The following PKD1L1 variants were observed in gnomAD, a reference collection of about 807,000 sequenced individuals.
The protein encoded by PKD1L1 is polycystin-1-like protein 1.
PKD1L1 carries 236 observed loss-of-function variants against 323.4 expected under a neutral mutation model. The ratio of observed to expected loss-of-function variants is 0.73; its 90% confidence interval spans 0.66 to 0.81. The LOEUF (loss-of-function observed/expected upper bound fraction) is 0.81, where lower values mean the gene tolerates loss of function less well. Ranked by LOEUF, PKD1L1 falls within the 40% of genes least tolerant of loss-of-function variation. PKD1L1 has a pLI of 0.00. For missense variants in PKD1L1, 3,320 were observed against 3,508.0 expected, an observed-to-expected ratio of 0.95 and a Z score of 1.35; for synonymous variants, 1,344 against 1,335.0, an observed-to-expected ratio of 1.01 and a Z score of -0.15.
intron 53 of PKD1L1, among the ~76,000 whole-genome samples, chr7:47,801,219 A>G (rs1784655006): frequency 6.6e-6 from 1 of 152,118 alleles, no homozygotes; most frequent in Non-Finnish European, 1.5e-5. Context: ...CCCCTTAGGA[A>G]GCCATGGTTG....
chr7:47,930,798 G>GCACTCC (rs1350989003), intron 6 of PKD1L1, among the ~76,000 whole-genome samples: 86 of 152,314 alleles, frequency 5.6e-4, no homozygotes, highest in African/African-American at 2.0e-3. Context: ...TTGGGTGACA[G>GCACTCC]AGCGAGACTC....
Position 47,853,140 on chromosome 7 carries a change from A to G in PKD1L1, c.4947T>C (p.Ala1649=). The G allele has an allele frequency of 6.2e-7, 1 of 1,611,060 alleles. No individual in the cohort carries two copies. Among genetic ancestry groups the G allele is most frequent in the South Asian group, 1.1e-5 (1 of 90,962 alleles). ...DESIVQIYIP[A]ASQKDASVGY... is the part of the protein sequence containing the mutation. ...CTGTTCACTGACCTTTCTGAGAAGC[A>G]GCAGGTATATAAATCTGCACAATTG... The change falls in exon 31 of 57, where the codon GCT becomes GCC. Residue 1649 remains alanine, a synonymous_variant. Transcript: ENST00000289672.
At chr7:47,817,102 T>C (rs1226393682) in intron 46 of PKD1L1, among the ~76,000 whole-genome samples, 1 of 152,146 alleles carries the variant, frequency 6.6e-6, no homozygotes, top group Admixed American at 6.5e-5. Context: ...CTGGGCGTGA[T>C]GGTACGCGCC....
rs113527998 is a variant in PKD1L1 at position 47,885,887 on chromosome 7, T to G, written c.3004A>C (p.Thr1002Pro). 0.015 allele frequency: 24,008 copies of G among 1,614,074 alleles called. 871 individuals are homozygous for G. The highest frequency in any genetic ancestry group is 0.14 in the African/African-American group (10,838 of 74,986). The change falls in exon 18 of 57, where the codon ACT (threonine) becomes CCT (proline). Residue 1002 changes from threonine to proline, a missense_variant. Physicochemically the swap from Thr to Pro is conservative, Grantham distance 38 (BLOSUM62 -1). Transcript: ENST00000289672. ...GTGGGGGTTCCCCTTGGAGCTGAAG[T>G]GGCAGGTTGGCCAAGGGTCACGGGT... ...PSPVTLGQPA[T>P]SAPRGTPTEP...
Position 47,839,743 on chromosome 7 carries a change from C to G in PKD1L1, c.5553-81G>C. ...TCCCATCAGCCCCAATGCTCACCCTCAAGGCACTGATGGCCCACAGAGGGT... is the reference window on the plus strand; with the variant it reads ...TCCCATCAGCCCCAATGCTCACCCTGAAGGCACTGATGGCCCACAGAGGGT... On this transcript the variant is annotated intron_variant, in intron 35 of 56. Coordinates refer to ENST00000289672, the MANE Select transcript of PKD1L1 (RefSeq NM_138295.5). The surrounding 1 kb of genome is among the most constrained non-coding windows in gnomAD (Gnocchi z 4.3). 2.2e-6 allele frequency: 3 copies of G among 1,346,044 alleles called. No homozygotes were observed. In the South Asian group the frequency reaches 4.1e-5, roughly 18 times the overall value. 83.4% of individuals were successfully genotyped at this position (1,346,044 alleles called of 1,614,324 possible).
chr7:47,918,452 T>C (rs1787472387), intron 7 of PKD1L1, among the ~76,000 whole-genome samples: 1 of 147,444 alleles, frequency 6.8e-6, no homozygotes, highest in Non-Finnish European at 1.5e-5. Flanking sequence ...AGACAGGTCA[T>C]CAAGACAGAA....
chr7:47,936,997 T>C lies in PKD1L1; in HGVS notation c.286-39A>G, dbSNP rs750067039. 6 of 1,473,672 alleles carry C rather than the reference T, an allele frequency of 4.1e-6. No homozygotes were observed. In the African/African-American group the frequency reaches 4.2e-5, roughly 10 times the overall value. The allele number at this position is 1,473,672 out of a possible 1,614,324, so 91.3% of individuals were successfully genotyped here. A position where few individuals can be genotyped will look rare whatever the true frequency, so the allele number is the denominator to read the frequency against. The stretch of plus-strand genomic sequence containing the variant: ...TAATAAAATAATGTGAGAGAGCTGC[T>C]TATGAAAACCCAGTACATTTGGGAA... On this transcript the variant is annotated intron_variant, in intron 3 of 56. Transcript: ENST00000289672.
intron 13 of PKD1L1, among the ~76,000 whole-genome samples, chr7:47,901,872 G>C (rs1787096362): frequency 6.6e-6 from 1 of 152,172 alleles, no homozygotes; most frequent in Non-Finnish European, 1.5e-5. Context: ...TCAAAGGAAT[G>C]AAAGAAATAA....
intron 31 of PKD1L1, among the ~76,000 whole-genome samples, chr7:47,849,222 C>A (rs57408813): frequency 0.016 from 2,389 of 152,268 alleles, 78 homozygotes; most frequent in African/African-American, 0.055. Context: ...AGACTTAAAT[C>A]TAAGACTTGA....
At chr7:47,873,649 C>CAAAAAAAAAAAA (rs57012071) in intron 24 of PKD1L1, among the ~76,000 whole-genome samples, 1 of 78,096 alleles carries the variant, frequency 1.3e-5, no homozygotes, top group Non-Finnish European at 2.4e-5. Flanking sequence ...GACTCTGTCT[C>CAAAAAAAAAAAA]AAAAAAAAAA....
At chr7:47,945,993 T>C (rs80125461) in intron 1 of PKD1L1, among the ~76,000 whole-genome samples, 81 of 152,260 alleles carry the variant, frequency 5.3e-4, no homozygotes, top group African/African-American at 1.9e-3. Context: ...TAATTTTCCT[T>C]GAGATTTCAG....
chr7:47,837,009 A>C lies in PKD1L1; in HGVS notation c.5855T>G (p.Leu1952Arg). The C allele has an allele frequency of 6.2e-7, 1 of 1,614,208 alleles. No individual in the cohort carries two copies. Among genetic ancestry groups the C allele is most frequent in the Middle Eastern group, 1.6e-4 (1 of 6,062 alleles). The change falls in exon 37 of 57, where the codon CTG becomes CGG. Residue 1952 changes from leucine (L) to arginine (R), a missense_variant. Coordinates refer to ENST00000289672, the MANE Select transcript of PKD1L1 (RefSeq NM_138295.5). ...VYSRPSSSRY[L>R]HTPRLTVSFS... The stretch of plus-strand genomic sequence containing the variant: ...GGACACGGTGAGGCGCGGCGTGTGC[A>C]GGTAGCGGCTGGAGGAGGGCCTGCT...
chr7:47,876,920 C>T lies in PKD1L1; in HGVS notation c.3663+569G>A, dbSNP rs760031922. On this transcript the variant is annotated intron_variant, in intron 22 of 56. Transcript: ENST00000289672. ...TCAGCCTCCCAAGTAGCTGGGATTA[C>T]AGGCACCTACCACCACACCCAGCTA... is the stretch of plus-strand genomic sequence containing the variant. Among the ~76,000 whole-genome samples, 2 of 152,180 alleles carry T rather than the reference C, an allele frequency of 1.3e-5. 1 individual carries two copies. The highest frequency in any genetic ancestry group is 4.1e-4 in the South Asian group (2 of 4,828).
Position 47,890,434 on chromosome 7 carries a change from C to A in PKD1L1, c.2675+108G>T, listed in dbSNP as rs567206346. On this transcript the variant is annotated intron_variant, in intron 16 of 56. Transcript: ENST00000289672. ...CTTTGCAGTGAGAATCCTGCATGGC[C>A]AAACTCCAAACTGCTTGCTGTGCAC... 9.5e-6 allele frequency: 11 copies of A among 1,152,486 alleles called. No individual in the cohort carries two copies. The South Asian group carries it at 1.6e-4, about 17-fold the overall frequency. The allele number at this position is 1,152,486 out of a possible 1,614,324, so 71.4% of individuals were successfully genotyped here.
chr7:47,881,170 A>C (rs746074907), intron 20 of PKD1L1, among the ~76,000 whole-genome samples: 1 of 152,124 alleles, frequency 6.6e-6, no homozygotes, highest in South Asian at 2.1e-4. Context: ...TTTTGAAGCT[A>C]TTTTTAAGTC....
chr7:47,881,853 T>C, intron 20 of PKD1L1, 56 bp downstream of exon 20: 8 of 1,483,096 alleles, frequency 5.4e-6, no homozygotes, highest in Non-Finnish European at 7.2e-6. Flanking sequence ...TGAGGGCTGA[T>C]ATCTAAAAGC....
chr7:47,933,936 A>C (rs529816433), intron 4 of PKD1L1, among the ~76,000 whole-genome samples: 6 of 152,320 alleles, frequency 3.9e-5, no homozygotes, highest in African/African-American at 1.4e-4. Context: ...GCTACCTTCA[A>C]GATTTTCTTG....
At chr7:47,794,957 G>A (rs1055357869) in intron 55 of PKD1L1, among the ~76,000 whole-genome samples, 1 of 152,128 alleles carries the variant, frequency 6.6e-6, no homozygotes, top group Non-Finnish European at 1.5e-5. Context: ...CCCAATCCCT[G>A]TACCCCCATT....
At position 47,835,132 on chromosome 7, in the gene PKD1L1, C is replaced by A. The variant is rs200119501; in HGVS notation, c.6054+1G>T. ...GGGCCATGAGGACAAGTCGCAGGTA[C>A]CTTGCTGAGCCTGAAGAGCAGGGAC... On this transcript the variant is annotated splice_donor_variant, in intron 38 of 56. Coordinates refer to ENST00000289672, the MANE Select transcript of PKD1L1 (RefSeq NM_138295.5). LOFTEE classifies it high-confidence loss of function. The A allele has an allele frequency of 3.1e-6, 5 of 1,599,254 alleles. No homozygotes were observed. Among genetic ancestry groups the A allele is most frequent in the Non-Finnish European group, 4.3e-6 (5 of 1,171,944 alleles).
Sources: allele counts gnomAD v4.1 joint callset (sites outside exome capture counted in the v4.1 genomes callset), GRCh38; gene constraint gnomAD v4.1.1; non-coding constraint Gnocchi (gnomAD v3.1); transcripts MANE v1.5; gene names NCBI Gene and HGNC (gene_info 2026-07-23, HGNC 2026-07-21).